The following DAB1 variants were observed in gnomAD, a reference collection of about 807,000 sequenced individuals.
DAB1 encodes disabled homolog 1.
Under a neutral mutation model 64.6 loss-of-function variants are expected in DAB1, and 15 were observed. The ratio of observed to expected loss-of-function variants is 0.23; its 90% CI spans 0.16 to 0.36. The LOEUF (loss-of-function observed/expected upper bound fraction) is 0.36. DAB1 is among the 10% of genes least tolerant of loss of function. The pLI, the probability that DAB1 is intolerant of heterozygous loss-of-function variation, is 1.00. For missense variants in DAB1, 596 were observed against 706.7 expected (o/e 0.84, Z 1.78); for synonymous variants, 235 against 251.9 (o/e 0.93, Z 0.64).
rs138105542 is a variant in DAB1 at position 58,379,364 on chromosome 1, T to C, written n.258-35961A>G. ...TACCACATACTACTACTAATGGCTC[T>C]ATGAAATACAAAATTTATTTGGCAC... On this transcript the variant is annotated intron_variant and non_coding_transcript_variant, in intron 3 of 20. Coordinates refer to the DAB1 transcript ENST00000485760. Among the ~76,000 whole-genome samples, 475 of 152,360 alleles carry C rather than the reference T, an allele frequency of 3.1e-3. 3 individuals carry two copies. The highest frequency in any genetic ancestry group is 0.017 in the Middle Eastern group (5 of 294).
chr1:57,887,016 C>G (rs975265757), upstream of DAB1, among the ~76,000 whole-genome samples: 1 of 152,126 alleles, frequency 6.6e-6, no homozygotes, highest in African/African-American at 2.4e-5. Context: ...ACTTCATTTT[C>G]TTTTTTTTAT....
chr1:57,051,123 A>T (rs966854127), intron 9 of DAB1, among the ~76,000 whole-genome samples: 2 of 152,242 alleles, frequency 1.3e-5, no homozygotes, highest in Admixed American at 1.3e-4. Context: ...CTATCTCAGG[A>T]CAATGTTTGT....
intron 7 of DAB1, among the ~76,000 whole-genome samples, chr1:57,498,788 G>T (rs150900959): frequency 6.6e-6 from 1 of 152,340 alleles, no homozygotes; most frequent in East Asian, 1.9e-4. Flanking sequence ...CTGGAAGGAA[G>T]TTTATTTATT....
intron 12 of DAB1, among the ~76,000 whole-genome samples, chr1:57,013,617 AG>A (rs1380041193): frequency 1.3e-5 from 2 of 152,152 alleles, no homozygotes; most frequent in Non-Finnish European, 2.9e-5. Context: ...TATTAACATT[AG>A]GGGTGTTTTT....
At chr1:57,497,894 T>C (rs1644248291) in intron 7 of DAB1, among the ~76,000 whole-genome samples, 1 of 152,190 alleles carries the variant, frequency 6.6e-6, no homozygotes, top group East Asian at 1.9e-4. Flanking sequence ...TAAATGATCA[T>C]TTTGGTTGTC....
intron 3 of DAB1, among the ~76,000 whole-genome samples, chr1:58,371,123 A>G (rs1053751081): frequency 6.6e-6 from 1 of 152,208 alleles, no homozygotes; most frequent in African/African-American, 2.4e-5. Flanking sequence ...GGAACTTCCT[A>G]GAGACTTTTT....
chr1:58,117,838 CTTTGTTTT>C (rs1652431915), intron 5 of DAB1, among the ~76,000 whole-genome samples: 1 of 101,536 alleles, frequency 9.8e-6, no homozygotes, highest in South Asian at 3.3e-4. Flanking sequence ...AGATATCATG[CTTTGTTTT>C]TTTTTTTATA....
intron 1 of DAB1, among the ~76,000 whole-genome samples, chr1:57,296,648 T>G (rs1230688524): frequency 6.6e-6 from 1 of 152,084 alleles, no homozygotes; most frequent in African/African-American, 2.4e-5. Flanking sequence ...CCGATATAAT[T>G]AAGGATGGTA....
chr1:57,210,803 T>C (rs1291786564), intron 2 of DAB1, among the ~76,000 whole-genome samples: 1 of 152,222 alleles, frequency 6.6e-6, no homozygotes, highest in Non-Finnish European at 1.5e-5. Context: ...AGAAAATATT[T>C]TAAAAATTTA....
intron 2 of DAB1, among the ~76,000 whole-genome samples, chr1:57,223,813 GGT>G (rs1557972763): frequency 1.3e-5 from 2 of 152,152 alleles, no homozygotes; most frequent in African/African-American, 4.8e-5. Context: ...GGCCTGAGCT[GGT>G]CCTGCTGCCA....
At chr1:57,818,289 C>A (rs1651960969) in intron 6 of DAB1, among the ~76,000 whole-genome samples, 3 of 152,248 alleles carry the variant, frequency 2.0e-5, no homozygotes, top group Non-Finnish European at 2.9e-5. Context: ...AATAGACATG[C>A]ATTCCTCCAC....
chr1:57,853,728 G>A (rs745428314), intron 1 of DAB1, among the ~76,000 whole-genome samples: 1 of 152,058 alleles, frequency 6.6e-6, no homozygotes, highest in Non-Finnish European at 1.5e-5. Context: ...TCCCCAAGAA[G>A]CAACAAGATA....
chr1:57,759,830 T>C (rs1321784395), intron 6 of DAB1, among the ~76,000 whole-genome samples: 1 of 152,108 alleles, frequency 6.6e-6, no homozygotes, highest in African/African-American at 2.4e-5. Flanking sequence ...ATGGGCTCAA[T>C]GTGTAACTTA....
At chr1:58,037,338 C>T (rs1038200433) in intron 5 of DAB1, among the ~76,000 whole-genome samples, 22 of 152,146 alleles carry the variant, frequency 1.4e-4, no homozygotes, top group African/African-American at 5.1e-4. Flanking sequence ...GTCTATGCTG[C>T]CTCCAGATCT....
chr1:58,503,922 C>A (rs979541802), intron 3 of DAB1, among the ~76,000 whole-genome samples: 1 of 152,180 alleles, frequency 6.6e-6, no homozygotes, highest in Admixed American at 6.5e-5. Context: ...CCTAAATTAC[C>A]AACAAATCCT....
chr1:57,675,803 G>A (rs575087056), intron 6 of DAB1, among the ~76,000 whole-genome samples: 120 of 152,222 alleles, frequency 7.9e-4, no homozygotes, highest in African/African-American at 2.7e-3. Flanking sequence ...CAGTGGTCAA[G>A]CCCATCAGCA....
intron 4 of DAB1, among the ~76,000 whole-genome samples, chr1:58,341,398 C>T (rs1048989985): frequency 4.6e-5 from 7 of 152,126 alleles, no homozygotes; most frequent in South Asian, 2.1e-4. Flanking sequence ...AATCTTGATT[C>T]CCAGTTTCAT....
chr1:57,060,811 C>T (rs1055864454), intron 9 of DAB1, among the ~76,000 whole-genome samples: 1 of 151,652 alleles, frequency 6.6e-6, no homozygotes, highest in African/African-American at 2.4e-5. Flanking sequence ...TTCAGGCAGC[C>T]CACCTGTGTA....
At chr1:57,567,319 C>A (rs570023372) in intron 7 of DAB1, among the ~76,000 whole-genome samples, 1 of 152,298 alleles carries the variant, frequency 6.6e-6, no homozygotes, top group African/African-American at 2.4e-5. Flanking sequence ...TAGCCAACAT[C>A]ATACTGAATG....
Sources: gnomAD v4.1 joint callset for allele counts (sites outside exome capture counted in the v4.1 genomes callset) on GRCh38, gnomAD v4.1.1 for gene constraint, MANE v1.5 for transcripts, NCBI Gene and HGNC (gene_info 2026-07-23, HGNC 2026-07-21) for gene names.